The following MYH6 variants were observed in gnomAD, a reference collection of about 807,000 sequenced individuals.
The protein encoded by MYH6 is myosin heavy chain 6, also known as myosin-6.
In MYH6, 126 loss-of-function variants were observed where a neutral mutation model predicts 223.2. That is an observed-to-expected ratio of 0.56 (90% CI 0.49 to 0.65). The LOEUF is 0.65. Ranked by LOEUF, MYH6 falls within the 30% of genes least tolerant of loss-of-function variation. The probability of loss-of-function intolerance (pLI) is 0.00; values close to 1 mark genes in which losing one functional copy is unlikely to be tolerated. For synonymous variants in MYH6, 978 were observed against 1,010.2 expected (o/e 0.97, Z 0.61); for missense variants, 2,040 against 2,536.4 (o/e 0.80, Z 4.20).
In MYH6 at chr14:23,384,584, T is replaced by G; in HGVS notation, c.5423A>C (p.Lys1808Thr). 6.2e-7 allele frequency: 1 copy of G among 1,613,804 alleles called. No individual in the cohort carries two copies. The highest frequency in any genetic ancestry group is 8.5e-7 in the Non-Finnish European group (1 of 1,180,040). The change falls in exon 36 of 39, where the codon AAG (lysine) becomes ACG (threonine). Residue 1808 changes from lysine (K) to threonine (T), a missense_variant. Lys to Thr is a moderately conservative substitution (Grantham distance 78). Transcript: ENST00000405093. ...CTTCTGCAGCTGCTTCTTGCCTCCCTTGAGGGCGATCTGCTCGGCCTCGTC... is the reference window on the plus strand; with the variant it reads ...CTTCTGCAGCTGCTTCTTGCCTCCCGTGAGGGCGATCTGCTCGGCCTCGTC... ...RLDEAEQIAL[K>T]GGKKQLQKLE...
chr14:23,402,737 A>G lies in MYH6; in HGVS notation c.962T>C (p.Val321Ala). Residue 321 changes from valine to alanine, a missense_variant, in exon 11 of 39, where the codon GTG (valine) becomes GCG (alanine). Coordinates refer to ENST00000405093, the MANE Select transcript of MYH6 (RefSeq NM_002471.4). ...CTCCTCGGAGTCATCAATGGAGGCC[A>G]CGGACACCTCTCCCTGAGACACGAA... ...YAFVSQGEVS[V>A]ASIDDSEELM... The G allele has an allele frequency of 1.2e-6, 2 of 1,613,650 alleles. No individual in the cohort carries two copies. The highest frequency in any genetic ancestry group is 1.1e-5 in the South Asian group (1 of 91,034).
intron 20 of MYH6, 39 bp downstream of exon 20, chr14:23,396,245 A>G (rs372023238): frequency 6.2e-7 from 1 of 1,613,522 alleles, no homozygotes; most frequent in African/African-American, 1.3e-5. Context: ...ATCTGCCTCT[A>G]CATCTCTAGT....
At chr14:23,403,563 C>G in intron 9 of MYH6, 117 bp from the exon 10 acceptor site, 1 of 1,166,934 alleles carries the variant, frequency 8.6e-7, no homozygotes, top group Non-Finnish European at 1.3e-6. Context: ...GAGGGCCAGG[C>G]GAGAAGATGT....
intron 15 of MYH6, 38 bp downstream of exon 15, chr14:23,398,690 A>C: frequency 9.3e-6 from 15 of 1,608,770 alleles, no homozygotes; most frequent in African/African-American, 1.3e-5. Flanking sequence ...TTGTGTCTTC[A>C]GAAGTCCCCT....
chr14:23,393,701 T>C lies in MYH6; in HGVS notation c.2893A>G (p.Lys965Glu). Residue 965 changes from lysine (K) to glutamate (E), a missense_variant, in exon 22 of 39, where the codon AAG becomes GAG. Around this residue, in one of 4 missense-constraint regions of MYH6, gnomAD observed 1,203 missense variants for 1,400.2 expected, o/e 0.86. Transcript: ENST00000405093. ...GTTGCATGCTTCTCCTTCTCCACCT[T>C]GGCCAGTGTCAGCTCCAGGTCATCA... ...DIDDLELTLA[K>E]VEKEKHATEN... The C allele has an allele frequency of 6.2e-7, 1 of 1,614,172 alleles. No homozygotes were observed. Among genetic ancestry groups the C allele is most frequent in the South Asian group, 1.1e-5 (1 of 91,080 alleles).
Position 23,397,341 on chromosome 14 carries a change from C to A in MYH6, c.1963-84G>T, listed in dbSNP as rs375169003. ...AACCCTGGTCCCCAGACACTCTCCA[C>A]CAGAATCATCAAAGGGACAGGGGCT... On this transcript the variant is annotated intron_variant, in intron 16 of 38. Transcript: ENST00000405093. The A allele has an allele frequency of 1.1e-5, 16 of 1,398,142 alleles. No individual in the cohort carries two copies. In the African/African-American group the frequency reaches 1.8e-4, roughly 16 times the overall value. The allele number at this position is 1,398,142 out of a possible 1,614,324, so 86.6% of individuals were successfully genotyped here.
In MYH6 at chr14:23,399,567, T is replaced by TAC. The variant is rs766316412; in HGVS notation, c.1582-532_1582-531dup. On this transcript the variant is annotated intron_variant, in intron 14 of 38. Transcript: ENST00000405093. The stretch of plus-strand genomic sequence containing the variant: ...AAAAACGCATGTACACACACACACG[T>TAC]ACACACACACACATGCACAAGCACA... The TAC allele has an allele frequency of 4.0e-5, 8 of 201,348 alleles. No individual in the cohort carries two copies. The Middle Eastern group carries it at 6.3e-3, about 159-fold the overall frequency. The allele number at this position is 201,348 out of a possible 1,614,324, so 12.5% of individuals were successfully genotyped here. A position where few individuals can be genotyped will look rare whatever the true frequency, so the allele number is the denominator to read the frequency against.
intron 28 of MYH6, 126 bp downstream of exon 28, chr14:23,389,267 G>T: frequency 8.1e-7 from 1 of 1,233,156 alleles, no homozygotes; most frequent in Non-Finnish European, 1.2e-6. Context: ...CTGCAGGGCA[G>T]AACCTAGACT....
intron 36 of MYH6, 151 bp downstream of exon 36, chr14:23,384,291 C>T: frequency 7.9e-7 from 1 of 1,261,358 alleles, no homozygotes; most frequent in Admixed American, 1.9e-5. Flanking sequence ...AACTCATAGA[C>T]TCAAGTCAAA....
At chr14:23,404,605 C>T (rs906912210) in intron 7 of MYH6, 106 bp downstream of exon 7, 22 of 1,205,806 alleles carry the variant, frequency 1.8e-5, no homozygotes, top group Non-Finnish European at 2.4e-5. Context: ...GAGCCCAGCT[C>T]AGTGTGGCTG....
chr14:23,390,538 T>C, intron 25 of MYH6, 92 bp from the exon 26 acceptor site: 1 of 1,546,896 alleles, frequency 6.5e-7, no homozygotes, highest in South Asian at 1.2e-5. Flanking sequence ...CTTAGGTTCC[T>C]CTCAAGCAGT....
chr14:23,405,584 C>T lies in MYH6; in HGVS notation c.345+43G>A, dbSNP rs376159455. 9 of 1,613,796 alleles carry T rather than the reference C, an allele frequency of 5.6e-6. No individual in the cohort carries two copies. The highest frequency in any genetic ancestry group is 1.7e-5 in the Admixed American group (1 of 59,966). Reference sequence around the variant, plus strand: ...AGCCCCCCTGGCTTATTTAGGCCTCCACGCAGCACAGGAAGCCTCTGCAGT... The same window carrying T: ...AGCCCCCCTGGCTTATTTAGGCCTCTACGCAGCACAGGAAGCCTCTGCAGT... On this transcript the variant is annotated intron_variant, in intron 4 of 38. Coordinates refer to ENST00000405093, the MANE Select transcript of MYH6 (RefSeq NM_002471.4). This position sits in a 1 kb window ranked among gnomAD's most constrained non-coding sequence, Gnocchi z 4.7.
rs372327939 is a variant in MYH6, at chr14:23,387,594, C to T, written c.4585G>A (p.Glu1529Lys). 6 of 1,614,102 alleles carry T rather than the reference C, an allele frequency of 3.7e-6. No homozygotes were observed. The highest frequency in any genetic ancestry group is 5.1e-6 in the Non-Finnish European group (6 of 1,180,008). The change falls in exon 32 of 39, where the codon GAG (glutamate) becomes AAG (lysine). Residue 1529 changes from glutamate (E) to lysine (K), a missense_variant. By Grantham distance (56) the Glu-to-Lys change is moderately conservative. Transcript: ENST00000405093. ...ACCTCCAGCTGTTTGCGGACCTTCTCCAGCTCATGCACATTCTTTCCTCCT... is the reference window on the plus strand; with the variant it reads ...ACCTCCAGCTGTTTGCGGACCTTCTTCAGCTCATGCACATTCTTTCCTCCT... ...GEGGKNVHEL[E>K]KVRKQLEVEK...
chr14:23,390,213 C>A lies in MYH6; in HGVS notation c.3576G>T (p.Ala1192=). ...TGTCGGCGTGCTTCTTGCGCAGGGCCGCGGCAGTGGCCTCGTGCTGCAGCG... is the reference window on the plus strand; with the variant it reads ...TGTCGGCGTGCTTCTTGCGCAGGGCAGCGGCAGTGGCCTCGTGCTGCAGCG... ...EATLQHEATA[A]ALRKKHADSV... The change falls in exon 26 of 39, where the codon GCG becomes GCT. Residue 1192 remains alanine, a synonymous_variant. Transcript: ENST00000405093. 2 of 1,599,106 alleles carry A rather than the reference C, an allele frequency of 1.3e-6. No individual in the cohort carries two copies. Among genetic ancestry groups the A allele is most frequent in the Non-Finnish European group, 1.7e-6 (2 of 1,171,002 alleles).
chr14:23,386,609 G>T lies in MYH6; in HGVS notation c.4665C>A (p.His1555Gln), dbSNP rs373888186. Residue 1555 changes from histidine (H) to glutamine (Q), a missense_variant, in exon 33 of 39, where the codon CAC becomes CAA. By Grantham distance (24) the His-to-Gln change is conservative. Around this residue, in one of 4 missense-constraint regions of MYH6, gnomAD observed 1,203 missense variants for 1,400.2 expected, o/e 0.86. Coordinates refer to ENST00000405093, the MANE Select transcript of MYH6 (RefSeq NM_002471.4). ...GGGCCCGGAGGATCTTGCCCTCCTC[G>T]TGCTCCAGGGAGGCCTGGGAAGGGG... ...ALEEAEASLEHEEGKILRAQL... is the reference protein window; with the variant it reads ...ALEEAEASLEQEEGKILRAQL... The T allele has an allele frequency of 5.0e-6, 8 of 1,610,258 alleles. No homozygotes were observed. Among genetic ancestry groups the T allele is most frequent in the Non-Finnish European group, 6.8e-6 (8 of 1,177,222 alleles).
In MYH6 at chr14:23,384,891, AGGCGGAAGGTG is replaced by A; in HGVS notation, c.5289+14_5289+24del. 6.2e-7 allele frequency: 1 copy of A among 1,613,526 alleles called. No individual in the cohort carries two copies. Among genetic ancestry groups the A allele is most frequent in the Non-Finnish European group, 8.5e-7 (1 of 1,180,030 alleles). ...AAGGCCTTGTTTCTGTCTTTAGGGG[AGGCGGAAGGTG>A]GGCGGTCACTTACATCCGTGATGGC... On this transcript the variant is annotated intron_variant, in intron 35 of 38. Coordinates refer to ENST00000405093, the MANE Select transcript of MYH6 (RefSeq NM_002471.4).
chr14:23,383,622 C>T (rs1344710880), intron 36 of MYH6, among the ~76,000 whole-genome samples: 1 of 152,178 alleles, frequency 6.6e-6, no homozygotes, highest in African/African-American at 2.4e-5. Context: ...AGGTCTGTTC[C>T]AGCTCCAGTA....
At chr14:23,385,199 C>T (rs141680913) in intron 34 of MYH6, among the ~76,000 whole-genome samples, 158 bp from the exon 35 acceptor site, 1 of 151,918 alleles carries the variant, frequency 6.6e-6, no homozygotes, top group East Asian at 1.9e-4. Context: ...TTCCCTTTTC[C>T]TATGAAAGTG....
At chr14:23,399,819 C>T (rs403720) in intron 14 of MYH6, 59,947 of 266,970 alleles carry the variant, frequency 0.22, 7,371 homozygotes, top group Non-Finnish European at 0.26. Context: ...AAGTCAGCCC[C>T]AGCCTATGGG....
Sources: gnomAD v4.1 joint callset for allele counts (sites outside exome capture counted in the v4.1 genomes callset) on GRCh38, gnomAD v4.1.1 for gene constraint, gnomAD v4.1.1 regional missense constraint, Gnocchi (gnomAD v3.1) non-coding constraint, MANE v1.5 for transcripts, NCBI Gene and HGNC (gene_info 2026-07-23, HGNC 2026-07-21) for gene names.